The following ZDHHC1 variants were observed in gnomAD, a reference collection of about 807,000 sequenced individuals.
ZDHHC1 encodes zDHHC palmitoyltransferase 1.
In ZDHHC1, 45 loss-of-function variants were observed where a neutral mutation model predicts 46.9. That is an observed-to-expected ratio of 0.96 (90% CI 0.76 to 1.23). The LOEUF is 1.23. Ranked by LOEUF, ZDHHC1 falls within the 50% of genes most tolerant of loss-of-function variation. ZDHHC1 has a pLI of 0.00. For synonymous variants in ZDHHC1, 291 were observed against 286.0 expected (o/e 1.02, Z -0.18); for missense variants, 649 against 670.8 (o/e 0.97, Z 0.36).
At chr16:67,399,733 C>T (rs1334575397) in intron 4 of ZDHHC1, among the ~76,000 whole-genome samples, 1 of 152,086 alleles carries the variant, frequency 6.6e-6, no homozygotes, top group Non-Finnish European at 1.5e-5. Context: ...CTAGCTGATG[C>T]GCCATGAAAC....
chr16:67,398,699 A>G lies in ZDHHC1; in HGVS notation c.688T>C (p.Phe230Leu). 1 of 1,609,120 alleles carries G rather than the reference A, an allele frequency of 6.2e-7. No homozygotes were observed. Among genetic ancestry groups the G allele is most frequent in the Admixed American group, 1.7e-5 (1 of 59,014 alleles). The change falls in exon 7 of 12, where the codon TTC becomes CTC. Residue 230 changes from phenylalanine (F) to leucine (L), a missense_variant. Phe to Leu is a conservative substitution (Grantham distance 22). Transcript: ENST00000565726. ...LKNHTDVWFV[F>L]LPAAPVETQA... ...GTCTCCACGGGGGCGGCAGGCAGGA[A>G]CACGAACCACACATCCGTGTGATTC... is the stretch of plus-strand genomic sequence containing the variant.
chr16:67,397,270 C>T (rs2040451586), intron 8 of ZDHHC1, among the ~76,000 whole-genome samples: 2 of 152,248 alleles, frequency 1.3e-5, no homozygotes, highest in Non-Finnish European at 2.9e-5. Flanking sequence ...CTCCTGCCTA[C>T]TTCTCTGGGC....
At chr16:67,399,517 G>A (rs2040506389) in intron 4 of ZDHHC1, 61 bp from the exon 5 acceptor site, 2 of 1,444,772 alleles carry the variant, frequency 1.4e-6, no homozygotes, top group Admixed American at 1.8e-5. Context: ...CGGCCCGGCC[G>A]GTCGGGGTGG....
chr16:67,398,243 T>C lies in ZDHHC1; in HGVS notation c.896A>G (p.Glu299Gly). The C allele has an allele frequency of 6.2e-7, 1 of 1,613,890 alleles. No individual in the cohort carries two copies. The highest frequency in any genetic ancestry group is 1.1e-5 in the South Asian group (1 of 91,082). ...QEAKGVHREL[E>G]SCPPKMRPIQ... ...GGGCCGCATCTTGGGAGGACATGACTCGAGCTCCCTGTGAACCCCCTTGGC... is the reference window on the plus strand; with the variant it reads ...GGGCCGCATCTTGGGAGGACATGACCCGAGCTCCCTGTGAACCCCCTTGGC... The change falls in exon 8 of 12, where the codon GAG becomes GGG. Residue 299 changes from glutamate (E) to glycine (G), a missense_variant. Glu to Gly is a moderately conservative substitution (Grantham distance 98). Transcript: ENST00000565726.
chr16:67,398,627 C>T lies in ZDHHC1; in HGVS notation c.760G>A (p.Gly254Ser), dbSNP rs1276357344. ...CCCAGGAGGGCTGTGGACAGGAGGC[C>T]CAGAAGGATGAGCAGGGCGGCCAGG... ...LALAALLILL[G>S]LLSTALLGHL... The change falls in exon 7 of 12, where the codon GGC becomes AGC. Residue 254 changes from glycine (G) to serine (S), a missense_variant. Gly to Ser is a moderately conservative substitution (Grantham distance 56). Coordinates refer to ENST00000565726, the MANE Select transcript of ZDHHC1 (RefSeq NM_001323627.2). The T allele has an allele frequency of 6.8e-6, 11 of 1,606,882 alleles. No homozygotes were observed. The highest frequency in any genetic ancestry group is 9.3e-6 in the Non-Finnish European group (11 of 1,177,508).
At chr16:67,396,409 C>CCGGACAGCTGT (rs1323991785) in intron 8 of ZDHHC1, 1 of 152,276 alleles carries the variant, frequency 6.6e-6, no homozygotes, top group Non-Finnish European at 1.5e-5. Flanking sequence ...CCGGGAGCAC[C>CCGGACAGCTGT]CGGACAGCTG....
At chr16:67,400,115 G>C (rs559491362) in intron 4 of ZDHHC1, among the ~76,000 whole-genome samples, 1 of 152,338 alleles carries the variant, frequency 6.6e-6, no homozygotes, top group African/African-American at 2.4e-5. Context: ...GCAGCTGCTG[G>C]AGCAGCTGCT....
rs776409408 is a variant in ZDHHC1, at chr16:67,406,225, T to C, written c.227A>G (p.His76Arg). The change falls in exon 3 of 12, where the codon CAC (histidine) becomes CGC (arginine). Residue 76 changes from histidine (H) to arginine (R), a missense_variant. By Grantham distance (29) the His-to-Arg change is conservative. Transcript: ENST00000565726. This position sits in a 1 kb window ranked among gnomAD's most constrained non-coding sequence, Gnocchi z 4.1. Reference protein sequence around the residue: ...GFGILVPLLPHHWVPAGYACM... With the variant: ...GFGILVPLLPRHWVPAGYACM... ...AGCGTAGCCAGCGGGCACCCAGTGGTGAGGCAGGAGGGGAACAAGGATCCC... is the reference window on the plus strand; with the variant it reads ...AGCGTAGCCAGCGGGCACCCAGTGGCGAGGCAGGAGGGGAACAAGGATCCC... 5 of 1,613,482 alleles carry C rather than the reference T, an allele frequency of 3.1e-6. No individual in the cohort carries two copies. Among genetic ancestry groups the C allele is most frequent in the Non-Finnish European group, 4.2e-6 (5 of 1,179,828 alleles).
In ZDHHC1 at chr16:67,401,050, T is replaced by A. The variant is rs1303127972; in HGVS notation, c.335A>T (p.Asp112Val). ...SIDPADANVR[D>V]KSYAGPLPIF... is the part of the protein sequence containing the mutation. ...GGGCAGGGGCCCCGCATAGCTCTTG[T>A]CCCGCACGTTGGCATCTGCTGGATC... is the stretch of plus-strand genomic sequence containing the variant. The change falls in exon 4 of 12, where the codon GAC becomes GTC. Residue 112 changes from aspartate to valine, a missense_variant. Asp to Val is a radical substitution (Grantham distance 152). Transcript: ENST00000565726. The surrounding 1 kb of genome is among the most constrained non-coding windows in gnomAD (Gnocchi z 4.6). 1.2e-5 allele frequency: 19 copies of A among 1,614,136 alleles called. 1 individual carries two copies. Among genetic ancestry groups the A allele is most frequent in the Middle Eastern group, 1.7e-4 (1 of 6,060 alleles).
At position 67,406,420 on chromosome 16, in the gene ZDHHC1, G is replaced by GAGGGCTTGTTGC; in HGVS notation, c.20_31dup (p.Cys7_Pro10dup). On this transcript the variant is annotated inframe_insertion, in exon 3 of 12. Coordinates refer to ENST00000565726, the MANE Select transcript of ZDHHC1 (RefSeq NM_001323627.2). This position sits in a 1 kb window ranked among gnomAD's most constrained non-coding sequence, Gnocchi z 4.1. ...ACTCTTCTCAGGGGCCGTCTTGTTG[G>GAGGGCTTGTTGC]AGGGCTTGTTGCAGATGTTCATCTC... The GAGGGCTTGTTGC allele has an allele frequency of 1.9e-6, 3 of 1,554,992 alleles. No homozygotes were observed. Among genetic ancestry groups the GAGGGCTTGTTGC allele is most frequent in the Non-Finnish European group, 2.6e-6 (3 of 1,149,440 alleles).
rs373437446 is a variant in ZDHHC1, at chr16:67,399,356, G to A, written c.529C>T (p.Arg177Trp). 5.0e-6 allele frequency: 8 copies of A among 1,612,140 alleles called. No homozygotes were observed. Among genetic ancestry groups the A allele is most frequent in the Middle Eastern group, 1.6e-4 (1 of 6,076 alleles). ...LNNCVGERNY[R>W]LFLHSVASAL... is the part of the protein sequence containing the mutation. The stretch of plus-strand genomic sequence containing the variant: ...CGCGTGCGGCCGGGCTGTCCTCACC[G>A]GTAGTTCCGCTCGCCCACACAGTTG... The change falls in exon 5 of 12, where the codon CGG becomes TGG. Residue 177 changes from arginine (R) to tryptophan (W), a missense_variant and splice_region_variant. Physicochemically the swap from Arg to Trp is moderately radical, Grantham distance 101. Transcript: ENST00000565726.
Position 67,394,156 on chromosome 16 carries a change from C to G in ZDHHC1, c.*454G>C, listed in dbSNP as rs2142215022. Among the ~76,000 whole-genome samples the G allele has an allele frequency of 6.6e-6, 1 of 152,352 alleles. No homozygotes were observed. The highest frequency in any genetic ancestry group is 2.4e-5 in the African/African-American group (1 of 41,594). ...CCGCCACCTCCCCACGGCCTCGCAG[C>G]CTCAGCGCCCACTGCTGCTTTCGGA... On this transcript the variant is annotated 3_prime_UTR_variant, in exon 12 of 12. Transcript: ENST00000565726.
chr16:67,398,375 TCAGAA>T (rs752663312), intron 7 of ZDHHC1, 51 bp from the exon 8 acceptor site: 4 of 1,578,538 alleles, frequency 2.5e-6, no homozygotes, highest in Non-Finnish European at 3.5e-6. Flanking sequence ...ACTCTGGAGC[TCAGAA>T]CAGGAGGGAG....
At chr16:67,397,629 G>A (rs940130672) in intron 8 of ZDHHC1, among the ~76,000 whole-genome samples, 2 of 152,130 alleles carry the variant, frequency 1.3e-5, no homozygotes, top group African/African-American at 2.4e-5. Flanking sequence ...CTCCTTTGAC[G>A]ACTGGATCAC....
intron 1 of ZDHHC1, among the ~76,000 whole-genome samples, chr16:67,411,529 T>C (rs577269401): frequency 5.9e-5 from 9 of 152,346 alleles, no homozygotes; most frequent in African/African-American, 2.2e-4. Flanking sequence ...AATTTGGCAA[T>C]ATCCAAGTCT....
chr16:67,394,728 G>T lies in ZDHHC1; in HGVS notation c.1331C>A (p.Pro444Gln), dbSNP rs551005522. ...CGTGGGCTGTCGGCCCCGGCCCCGCGGGGCGGCCAGAGCGGCGCTGCCCAG... is the reference window on the plus strand; with the variant it reads ...CGTGGGCTGTCGGCCCCGGCCCCGCTGGGCGGCCAGAGCGGCGCTGCCCAG... ...TRLGSAALAA[P>Q]RGRGRQPTLA... The change falls in exon 12 of 12, where the codon CCG (proline) becomes CAG (glutamine). Residue 444 changes from proline to glutamine, a missense_variant. Transcript: ENST00000565726. 2.2e-6 allele frequency: 3 copies of T among 1,384,956 alleles called. No individual in the cohort carries two copies. In the African/African-American group the frequency reaches 4.6e-5, roughly 21 times the overall value. The allele number at this position is 1,384,956 out of a possible 1,614,324, so 85.8% of individuals were successfully genotyped here. A position where few individuals can be genotyped will look rare whatever the true frequency, so the allele number is the denominator to read the frequency against.
chr16:67,402,627 G>T (rs540133478), intron 3 of ZDHHC1, among the ~76,000 whole-genome samples: 10 of 147,688 alleles, frequency 6.8e-5, no homozygotes, highest in South Asian at 6.3e-4. Flanking sequence ...GGAAAACATG[G>T]AATTTTTTTT....
chr16:67,411,246 A>T (rs2040743752), intron 1 of ZDHHC1, among the ~76,000 whole-genome samples: 1 of 152,150 alleles, frequency 6.6e-6, no homozygotes. Flanking sequence ...GTTAATTACT[A>T]AAGAGGGTTT....
At chr16:67,409,607 A>C (rs1373251930) in intron 1 of ZDHHC1, among the ~76,000 whole-genome samples, 1 of 152,224 alleles carries the variant, frequency 6.6e-6, no homozygotes, top group African/African-American at 2.4e-5. Context: ...AAGGGCTGGG[A>C]GGTCGGAGAG....
Sources: gnomAD v4.1 joint callset for allele counts (sites outside exome capture counted in the v4.1 genomes callset) on GRCh38, gnomAD v4.1.1 for gene constraint, Gnocchi (gnomAD v3.1) non-coding constraint, MANE v1.5 for transcripts, NCBI Gene and HGNC (gene_info 2026-07-23, HGNC 2026-07-21) for gene names.